Variants in LRRC4C observed in about 807,000 individuals in gnomAD.
The protein encoded by LRRC4C is leucine rich repeat containing 4C, also known as leucine-rich repeat-containing protein 4C.
A neutral mutation model predicts 33.6 loss-of-function variants in LRRC4C; 5 were observed. The ratio of observed to expected loss-of-function variants is 0.15; its 90% confidence interval spans 0.08 to 0.31. The LOEUF is 0.31. Ranked by LOEUF, LRRC4C falls within the 10% of genes least tolerant of loss-of-function variation. LRRC4C has a pLI of 1.00. For synonymous variants in LRRC4C, 329 were observed against 302.0 expected (o/e 1.09, Z -0.93); for missense variants, 560 against 796.7 (o/e 0.70, Z 3.58).
At chr11:41,343,554 G>A (rs770761820) in intron 1 of LRRC4C, among the ~76,000 whole-genome samples, 1 of 152,132 alleles carries the variant, frequency 6.6e-6, no homozygotes, top group African/African-American at 2.4e-5. Flanking sequence ...CTTATAGATA[G>A]GTTAATCAGG....
chr11:41,446,160 C>T (rs1447150693), intron 1 of LRRC4C, among the ~76,000 whole-genome samples: 1 of 152,152 alleles, frequency 6.6e-6, no homozygotes, highest in Non-Finnish European at 1.5e-5. Context: ...ATTCACTCTA[C>T]CAGGTTACTC....
chr11:40,492,852 C>A (rs1354893266), intron 3 of LRRC4C, among the ~76,000 whole-genome samples: 3 of 151,994 alleles, frequency 2.0e-5, no homozygotes, highest in Non-Finnish European at 4.4e-5. Flanking sequence ...CGGCCCAAAG[C>A]AGATTATGAG....
intron 1 of LRRC4C, among the ~76,000 whole-genome samples, chr11:41,337,275 G>A (rs1488321954): frequency 4.6e-5 from 7 of 152,032 alleles, no homozygotes. Context: ...TGAACTCCTG[G>A]CCTCAAGGAA....
intron 2 of LRRC4C, among the ~76,000 whole-genome samples, chr11:40,821,392 T>G (rs1951919762): frequency 6.6e-6 from 1 of 151,714 alleles, no homozygotes; most frequent in East Asian, 1.9e-4. Flanking sequence ...ATTTCGGAAT[T>G]TAATATAAAG....
intron 2 of LRRC4C, among the ~76,000 whole-genome samples, chr11:40,730,053 A>G (rs1359604807): frequency 6.6e-6 from 1 of 151,854 alleles, no homozygotes; most frequent in South Asian, 2.1e-4. Context: ...GGAATTGAAC[A>G]GTGAGATCAC....
intron 3 of LRRC4C, among the ~76,000 whole-genome samples, chr11:40,609,478 T>TAAAGTGTG: frequency 6.6e-6 from 1 of 151,896 alleles, no homozygotes; most frequent in Non-Finnish European, 1.5e-5. Flanking sequence ...TAAACAACAA[T>TAAAGTGTG]TTTGTACCTC....
At chr11:40,964,263 G>GA (rs1851175053) in intron 1 of LRRC4C, among the ~76,000 whole-genome samples, 1 of 151,398 alleles carries the variant, frequency 6.6e-6, no homozygotes, top group African/African-American at 2.4e-5. Flanking sequence ...ACATCACGCT[G>GA]AAAAGCTGCA....
intron 1 of LRRC4C, among the ~76,000 whole-genome samples, chr11:41,383,482 T>C (rs1391616156): frequency 5.3e-5 from 8 of 152,046 alleles, no homozygotes; most frequent in Admixed American, 5.3e-4. Flanking sequence ...TCTTTTATTA[T>C]TTAGATGTAT....
intron 2 of LRRC4C, among the ~76,000 whole-genome samples, chr11:40,728,688 C>T (rs889734832): frequency 6.7e-6 from 1 of 149,920 alleles, no homozygotes; most frequent in Non-Finnish European, 1.5e-5. Context: ...GTATGTTCAT[C>T]ACTATACTAT....
intron 3 of LRRC4C, among the ~76,000 whole-genome samples, chr11:40,547,076 T>G (rs1956954515): frequency 6.6e-6 from 1 of 152,146 alleles, no homozygotes; most frequent in African/African-American, 2.4e-5. Flanking sequence ...TTAAAGTTGA[T>G]TTTTTGCTAA....
intron 2 of LRRC4C, among the ~76,000 whole-genome samples, chr11:40,866,927 A>T (rs532346427): frequency 2.6e-4 from 40 of 151,992 alleles, no homozygotes; most frequent in Non-Finnish European, 3.1e-4. Flanking sequence ...ATTCTTTTCC[A>T]TTATATTTGC....
chr11:40,352,957 C>G lies in LRRC4C; in HGVS notation c.-269-33236G>C, dbSNP rs895217338. Among the ~76,000 whole-genome samples the G allele has an allele frequency of 7.2e-5, 11 of 152,240 alleles. 1 individual carries two copies. The highest frequency in any genetic ancestry group is 7.2e-4 in the Admixed American group (11 of 15,270). ...AAGTCTGATGCAGGATGCTTTGGAG[C>G]ACCTTTGTATGTTATTTGTTTCTTT... On this transcript the variant is annotated intron_variant, in intron 3 of 6. Coordinates refer to ENST00000528697, the MANE Select transcript of LRRC4C (RefSeq NM_001258419.2).
At chr11:41,094,792 A>G (rs1042792293) in intron 1 of LRRC4C, among the ~76,000 whole-genome samples, 1 of 152,212 alleles carries the variant, frequency 6.6e-6, no homozygotes, top group Non-Finnish European at 1.5e-5. Flanking sequence ...TGACTAGCAC[A>G]TAACAGATGC....
At chr11:40,285,392 G>A in intron 4 of LRRC4C, among the ~76,000 whole-genome samples, 1 of 152,268 alleles carries the variant, frequency 6.6e-6, no homozygotes, top group Middle Eastern at 3.4e-3. Flanking sequence ...GTATTACAGA[G>A]AGATCAAACA....
intron 4 of LRRC4C, among the ~76,000 whole-genome samples, chr11:40,267,946 C>T (rs754778892): frequency 7.2e-5 from 11 of 152,288 alleles, no homozygotes; most frequent in Middle Eastern, 6.8e-3. Flanking sequence ...CTCCCTACTT[C>T]GAACCCTTCA....
At chr11:40,710,911 T>C (rs10837482) in intron 2 of LRRC4C, among the ~76,000 whole-genome samples, 80,234 of 152,056 alleles carry the variant, frequency 0.53, 21,374 homozygotes, top group African/African-American at 0.57. Context: ...CAATTGTGGA[T>C]GCTCCTCCCC....
chr11:40,399,980 A>G (rs1949699537), intron 3 of LRRC4C, among the ~76,000 whole-genome samples: 1 of 152,166 alleles, frequency 6.6e-6, no homozygotes, highest in Non-Finnish European at 1.5e-5. Flanking sequence ...AATAAAGACC[A>G]GTAGAGCAAA....
chr11:40,259,152 G>T (rs1442589056), intron 4 of LRRC4C, among the ~76,000 whole-genome samples: 1 of 152,170 alleles, frequency 6.6e-6, no homozygotes, highest in African/African-American at 2.4e-5. Flanking sequence ...TTGCTTCTCA[G>T]ACTGCACTCT....
At chr11:40,467,738 C>T (rs1952720644) in intron 3 of LRRC4C, among the ~76,000 whole-genome samples, 2 of 152,244 alleles carry the variant, frequency 1.3e-5, no homozygotes, top group South Asian at 2.1e-4. Flanking sequence ...ACCCTAACTG[C>T]CTAACTGTGG....
Sources: allele counts gnomAD v4.1 joint callset (sites outside exome capture counted in the v4.1 genomes callset), GRCh38; gene constraint gnomAD v4.1.1; transcripts MANE v1.5; gene names NCBI Gene and HGNC (gene_info 2026-07-23, HGNC 2026-07-21).